The following SH3GL2 variants were observed in gnomAD, a reference collection of about 807,000 sequenced individuals.
SH3GL2 encodes the protein endophilin-A1.
A neutral mutation model predicts 46.0 loss-of-function variants in SH3GL2; 24 were observed. The ratio of observed to expected loss-of-function variants is 0.52; its 90% confidence interval spans 0.38 to 0.73. The LOEUF (loss-of-function observed/expected upper bound fraction) is 0.73. Among genes scored for constraint, SH3GL2 ranks in the 30% least tolerant of loss-of-function variants. The pLI, the probability that SH3GL2 is intolerant of heterozygous loss-of-function variation, is 0.00. For missense variants in SH3GL2, 413 were observed against 424.2 expected (o/e 0.97, Z 0.23); for synonymous variants, 196 against 147.1 (o/e 1.33, Z -2.40).
In SH3GL2 at chr9:17,780,501, C is replaced by CT. The variant is rs1337754474; in HGVS notation, c.188-5879dup. ...TTTTTAATTTTTTTTTTATTATACTCTAAGTTTTAGGGTACATGTGCACAT... is the reference window on the plus strand; with the variant it reads ...TTTTTAATTTTTTTTTTATTATACTCTTAAGTTTTAGGGTACATGTGCACAT... On this transcript the variant is annotated intron_variant, in intron 3 of 8. Coordinates refer to ENST00000380607, the MANE Select transcript of SH3GL2 (RefSeq NM_003026.5). Among the ~76,000 whole-genome samples, 4 of 143,784 alleles carry CT rather than the reference C, an allele frequency of 2.8e-5. No homozygotes were observed. The South Asian group carries it at 8.9e-4, about 32-fold the overall frequency. 94.3% of individuals were successfully genotyped at this position (143,784 alleles called of 152,430 possible). A position where few individuals can be genotyped will look rare whatever the true frequency, so the allele number is the denominator to read the frequency against.
At chr9:17,699,417 A>G (rs933049997) in intron 1 of SH3GL2, among the ~76,000 whole-genome samples, 5 of 152,160 alleles carry the variant, frequency 3.3e-5, no homozygotes, top group Non-Finnish European at 7.3e-5. Flanking sequence ...CAGGAATTTC[A>G]ATATCACCCT....
intron 1 of SH3GL2, among the ~76,000 whole-genome samples, chr9:17,667,103 C>T (rs1820362914): frequency 6.6e-6 from 1 of 152,004 alleles, no homozygotes; most frequent in African/African-American, 2.4e-5. Flanking sequence ...TTTATCTTGT[C>T]TTTTAAACAT....
At chr9:17,690,740 A>G (rs541638853) in intron 1 of SH3GL2, among the ~76,000 whole-genome samples, 132 of 152,268 alleles carry the variant, frequency 8.7e-4, no homozygotes, top group African/African-American at 3.0e-3. Flanking sequence ...AGTGCCGGGT[A>G]CTAGGGGCAC....
intron 2 of SH3GL2, among the ~76,000 whole-genome samples, chr9:17,750,733 G>A (rs923189481): frequency 5.9e-5 from 9 of 152,170 alleles, no homozygotes; most frequent in African/African-American, 2.2e-4. Flanking sequence ...AGAACCTCTG[G>A]TTCCTTCTCA....
chr9:17,591,921 G>A (rs1032759541), intron 1 of SH3GL2, among the ~76,000 whole-genome samples: 1 of 152,132 alleles, frequency 6.6e-6, no homozygotes, highest in Non-Finnish European at 1.5e-5. Flanking sequence ...ATGACATTTT[G>A]TCAATCTGTA....
chr9:17,702,331 G>T (rs142011837), intron 1 of SH3GL2, among the ~76,000 whole-genome samples: 3 of 151,946 alleles, frequency 2.0e-5, no homozygotes, highest in Non-Finnish European at 4.4e-5. Flanking sequence ...GAAGAAATTT[G>T]AAAGTAGTTT....
intron 1 of SH3GL2, among the ~76,000 whole-genome samples, chr9:17,706,236 T>A (rs906859182): frequency 6.6e-6 from 1 of 152,130 alleles, no homozygotes; most frequent in Non-Finnish European, 1.5e-5. Flanking sequence ...TCCCAGTGCC[T>A]TTTTCCTTTC....
At chr9:17,670,872 TA>T (rs1820457691) in intron 1 of SH3GL2, among the ~76,000 whole-genome samples, 1 of 152,206 alleles carries the variant, frequency 6.6e-6, no homozygotes, top group Non-Finnish European at 1.5e-5. Flanking sequence ...GAAGGCTTAT[TA>T]AAGCACAGAT....
intron 1 of SH3GL2, among the ~76,000 whole-genome samples, chr9:17,729,440 G>C (rs1470118586): frequency 2.6e-5 from 4 of 152,042 alleles, no homozygotes; most frequent in Admixed American, 1.3e-4. Context: ...AGTTTCTTTT[G>C]CTCTACAGAA....
intron 1 of SH3GL2, among the ~76,000 whole-genome samples, chr9:17,711,064 G>GAA (rs774372486): frequency 1.3e-5 from 2 of 151,816 alleles, no homozygotes; most frequent in Admixed American, 1.3e-4. Context: ...AGATAATGGG[G>GAA]AAAAAATTGT....
chr9:17,664,463 C>A (rs1281243555), intron 1 of SH3GL2, among the ~76,000 whole-genome samples: 2 of 151,944 alleles, frequency 1.3e-5, no homozygotes, highest in Non-Finnish European at 2.9e-5. Context: ...TAGTTTTTTG[C>A]ACTTTAAAAA....
intron 2 of SH3GL2, among the ~76,000 whole-genome samples, chr9:17,758,057 T>G (rs1823050933): frequency 6.6e-6 from 1 of 152,176 alleles, no homozygotes; most frequent in African/African-American, 2.4e-5. Flanking sequence ...TGACTAATCA[T>G]TGGACCATTC....
At chr9:17,731,610 T>C (rs1259474076) in intron 1 of SH3GL2, among the ~76,000 whole-genome samples, 1 of 152,152 alleles carries the variant, frequency 6.6e-6, no homozygotes, top group Non-Finnish European at 1.5e-5. Context: ...CTTGGGCTTC[T>C]AGTTCTAGAA....
At chr9:17,652,875 A>T (rs1333025639) in intron 1 of SH3GL2, among the ~76,000 whole-genome samples, 1 of 152,106 alleles carries the variant, frequency 6.6e-6, no homozygotes. Flanking sequence ...TTTTGTGGTC[A>T]TATTTTCAGG....
intron 1 of SH3GL2, among the ~76,000 whole-genome samples, chr9:17,706,715 C>T (rs1821481215): frequency 6.6e-6 from 1 of 151,946 alleles, no homozygotes; most frequent in African/African-American, 2.4e-5. Context: ...TGGCTTTAGA[C>T]ATCTTATAGG....
intron 1 of SH3GL2, among the ~76,000 whole-genome samples, chr9:17,651,019 T>C (rs1819942232): frequency 6.6e-6 from 1 of 152,124 alleles, no homozygotes; most frequent in African/African-American, 2.4e-5. Context: ...CACACATGTA[T>C]GTGTGGTGTG....
chr9:17,777,568 T>C (rs969842826), intron 3 of SH3GL2, among the ~76,000 whole-genome samples: 54 of 152,272 alleles, frequency 3.5e-4, no homozygotes, highest in African/African-American at 1.3e-3. Flanking sequence ...TTCTGGAGGT[T>C]ATATAGTCCA....
intron 1 of SH3GL2, among the ~76,000 whole-genome samples, chr9:17,637,351 A>G (rs1588194358): frequency 6.6e-6 from 1 of 152,202 alleles, no homozygotes; most frequent in Non-Finnish European, 1.5e-5. Context: ...TCCCAGTCTT[A>G]CATAAGAGGC....
intron 1 of SH3GL2, among the ~76,000 whole-genome samples, chr9:17,677,997 A>G (rs1313946108): frequency 1.3e-5 from 2 of 152,138 alleles, no homozygotes; most frequent in African/African-American, 2.4e-5. Context: ...CATGGTGTGT[A>G]CGTGCCACAT....
Sources: allele counts gnomAD v4.1 joint callset (sites outside exome capture counted in the v4.1 genomes callset), GRCh38; gene constraint gnomAD v4.1.1; transcripts MANE v1.5; gene names NCBI Gene and HGNC (gene_info 2026-07-23, HGNC 2026-07-21).